Variants in SPON1 observed in about 807,000 individuals in gnomAD.
SPON1 encodes the protein spondin 1, also known as spondin-1.
SPON1 carries 52 observed loss-of-function variants against 111.7 expected under a neutral mutation model. That is an observed-to-expected ratio of 0.47 (90% CI 0.37 to 0.59). SPON1 has a LOEUF of 0.59. Among genes scored for constraint, SPON1 ranks in the 20% least tolerant of loss-of-function variants. The probability of loss-of-function intolerance (pLI) is 0.00; values close to 1 mark genes in which losing one functional copy is unlikely to be tolerated. For synonymous variants in SPON1, 410 were observed against 395.8 expected (o/e 1.04, Z -0.43); for missense variants, 957 against 1,068.5 (o/e 0.90, Z 1.46).
chr11:14,017,593 C>A (rs893694896), intron 2 of SPON1, among the ~76,000 whole-genome samples: 8 of 152,252 alleles, frequency 5.3e-5, no homozygotes, highest in African/African-American at 1.9e-4. Flanking sequence ...GATTCTTACC[C>A]AAATTTTACA....
At chr11:14,043,981 A>G (rs1287254498) in intron 3 of SPON1, among the ~76,000 whole-genome samples, 1 of 152,146 alleles carries the variant, frequency 6.6e-6, no homozygotes, top group Admixed American at 6.5e-5. Flanking sequence ...AAAGTCAACC[A>G]ATGCTTTCTG....
intron 2 of SPON1, among the ~76,000 whole-genome samples, chr11:14,038,177 AAAT>A (rs1405471434): frequency 2.0e-5 from 3 of 150,150 alleles, no homozygotes; most frequent in Non-Finnish European, 4.4e-5. Flanking sequence ...AAAAATAAAT[AAAT>A]AACGACTGGG....
intron 2 of SPON1, among the ~76,000 whole-genome samples, chr11:14,028,195 G>T (rs77610493): frequency 0.011 from 1,672 of 152,226 alleles, 18 homozygotes; most frequent in Non-Finnish European, 0.017. Context: ...AGAATGTAGA[G>T]TCTGTGCCAG....
At position 14,075,380 on chromosome 11, in the gene SPON1, A is replaced by G. The variant is rs781928695; in HGVS notation, c.515A>G (p.Gln172Arg). Residue 172 changes from glutamine to arginine, a missense_variant, in exon 4 of 16, where the codon CAA (glutamine) becomes CGA (arginine). Around this residue, in one of 5 missense-constraint regions of SPON1, gnomAD observed 262 missense variants for 253.9 expected, o/e 1.03. Coordinates refer to ENST00000576479, the MANE Select transcript of SPON1 (RefSeq NM_006108.4). The stretch of plus-strand genomic sequence containing the variant: ...GTACAAAAACGCATTATTTATTTTC[A>G]AGATGAGGGCTCTCTGACCAAGAAA... ...SIVQKRIIYF[Q>R]DEGSLTKKLC... 6.4e-7 allele frequency: 1 copy of G among 1,560,754 alleles called. No homozygotes were observed. The highest frequency in any genetic ancestry group is 8.7e-7 in the Non-Finnish European group (1 of 1,151,380).
At position 14,260,574 on chromosome 11, in the gene SPON1, G is replaced by A. The variant is rs994005195; in HGVS notation, c.1832-14G>A. 1 of 1,609,840 alleles carries A rather than the reference G, an allele frequency of 6.2e-7. No individual in the cohort carries two copies. The highest frequency in any genetic ancestry group is 8.5e-7 in the Non-Finnish European group (1 of 1,176,974). On this transcript the variant is annotated splice_polypyrimidine_tract_variant and intron_variant, in intron 13 of 15. Transcript: ENST00000576479. ...GGAACCTGTTCTCAGTGGCAAACCT[G>A]GTTCTTGATCTAGACACCATCCCAT... is the stretch of plus-strand genomic sequence containing the variant.
At chr11:14,181,618 C>T (rs1444102070) in intron 6 of SPON1, among the ~76,000 whole-genome samples, 1 of 152,206 alleles carries the variant, frequency 6.6e-6, no homozygotes, top group African/African-American at 2.4e-5. Flanking sequence ...ATTGTGGTCG[C>T]ACAGACCAGG....
At chr11:14,199,661 T>C (rs1554935417) in intron 6 of SPON1, among the ~76,000 whole-genome samples, 1 of 152,260 alleles carries the variant, frequency 6.6e-6, no homozygotes, top group Non-Finnish European at 1.5e-5. Flanking sequence ...AATTCCTCTG[T>C]GCTTCCCCGT....
chr11:14,206,587 A>T (rs1439179389), intron 6 of SPON1, among the ~76,000 whole-genome samples: 3 of 152,164 alleles, frequency 2.0e-5, no homozygotes, highest in Non-Finnish European at 2.9e-5. Flanking sequence ...ATACATATGA[A>T]TTTTTTCTAA....
At chr11:14,044,419 C>T (rs1848653340) in intron 3 of SPON1, among the ~76,000 whole-genome samples, 1 of 152,136 alleles carries the variant, frequency 6.6e-6, no homozygotes, top group East Asian at 1.9e-4. Flanking sequence ...CAAGACCAGC[C>T]TGGTCAACAT....
intron 3 of SPON1, among the ~76,000 whole-genome samples, chr11:14,065,439 C>T (rs1218206259): frequency 3.3e-5 from 5 of 152,172 alleles, no homozygotes; most frequent in Non-Finnish European, 7.3e-5. Context: ...ACACCCACGC[C>T]CAGCCACGGA....
rs1214258395 is a variant in SPON1, at chr11:14,160,861, TTA to T, written c.825+25299_825+25300del. The stretch of plus-strand genomic sequence containing the variant: ...TATATATTTATATATTTATATATAT[TTA>T]TATATTTTTATATTTTTATATATTT... On this transcript the variant is annotated intron_variant, in intron 6 of 15. Transcript: ENST00000576479. 4.1e-5 allele frequency among the ~76,000 whole-genome samples: 2 copies of T among 49,110 alleles called. 1 individual carries two copies. Among genetic ancestry groups the T allele is most frequent in the Non-Finnish European group, 6.8e-5 (2 of 29,488 alleles). The allele number at this position is 49,110 out of a possible 152,430, so 32.2% of individuals were successfully genotyped here.
Position 14,012,713 on chromosome 11 carries a change from A to C in SPON1, c.346-28808A>C, listed in dbSNP as rs75909077. 5.4e-3 allele frequency among the ~76,000 whole-genome samples: 819 copies of C among 152,206 alleles called. 10 individuals carry two copies. Among genetic ancestry groups the C allele is most frequent in the African/African-American group, 0.018 (758 of 41,532 alleles). On this transcript the variant is annotated intron_variant, in intron 2 of 15. Coordinates refer to ENST00000576479, the MANE Select transcript of SPON1 (RefSeq NM_006108.4). ...AAGCCAAGCCCTTCTGAGGCTTCTG[A>C]TGTCTGCCATTGGGGAGAATTTCCC...
At chr11:14,073,622 C>G (rs1263372183) in intron 3 of SPON1, among the ~76,000 whole-genome samples, 1 of 152,166 alleles carries the variant, frequency 6.6e-6, no homozygotes, top group Non-Finnish European at 1.5e-5. Context: ...GGAGCCTTTC[C>G]CAGCATGGTT....
At chr11:14,065,499 C>T (rs1554920278) in intron 3 of SPON1, among the ~76,000 whole-genome samples, 2 of 152,332 alleles carry the variant, frequency 1.3e-5, no homozygotes, top group Middle Eastern at 3.4e-3. Flanking sequence ...AGCAACACTT[C>T]ACTTTCTATT....
intron 5 of SPON1, among the ~76,000 whole-genome samples, chr11:14,102,785 G>C (rs1554924509): frequency 6.6e-6 from 1 of 152,112 alleles, no homozygotes; most frequent in African/African-American, 2.4e-5. Context: ...GTGCATCTTT[G>C]GCAGGGATAC....
At chr11:14,262,449 G>A (rs958267232) in intron 14 of SPON1, 1 of 532,964 alleles carries the variant, frequency 1.9e-6, no homozygotes, top group Middle Eastern at 5.1e-4. Flanking sequence ...AACACATCCT[G>A]AAAGTCCTCC....
At chr11:14,091,459 C>G (rs992175637) in intron 5 of SPON1, among the ~76,000 whole-genome samples, 2 of 152,210 alleles carry the variant, frequency 1.3e-5, no homozygotes, top group Non-Finnish European at 2.9e-5. Flanking sequence ...GCTGCAGGTC[C>G]CGAGCCCTGC....
intron 6 of SPON1, among the ~76,000 whole-genome samples, chr11:14,224,492 A>G (rs781815757): frequency 3.3e-5 from 5 of 152,242 alleles, no homozygotes; most frequent in African/African-American, 9.6e-5. Flanking sequence ...TATCTTTGAT[A>G]TGGAGGACCC....
intron 2 of SPON1, among the ~76,000 whole-genome samples, chr11:13,997,082 G>C (rs1848278935): frequency 6.6e-6 from 1 of 152,104 alleles, no homozygotes; most frequent in Non-Finnish European, 1.5e-5. Flanking sequence ...AAATTATAGG[G>C]TCAAAGTAAA....
Sources: gnomAD v4.1 joint callset for allele counts (sites outside exome capture counted in the v4.1 genomes callset) on GRCh38, gnomAD v4.1.1 for gene constraint, gnomAD v4.1.1 regional missense constraint, MANE v1.5 for transcripts, NCBI Gene and HGNC (gene_info 2026-07-23, HGNC 2026-07-21) for gene names.